SRP19: variants seen among roughly 807,000 people sequenced by gnomAD.
SRP19 encodes signal recognition particle 19.
In SRP19, 11 loss-of-function variants were observed where a neutral mutation model predicts 22.4. That is an observed-to-expected ratio of 0.49 (90% CI 0.31 to 0.81). SRP19 has a LOEUF of 0.81. Ranked by LOEUF, SRP19 falls within the 40% of genes least tolerant of loss-of-function variation. SRP19 has a pLI of 0.05. For synonymous variants in SRP19, 61 were observed against 57.6 expected, an observed-to-expected ratio of 1.06 and a Z score of -0.27; for missense variants, 168 against 175.9, an observed-to-expected ratio of 0.96 and a Z score of 0.25.
chr5:112,867,666 CATCTTT>C lies in SRP19; in HGVS notation c.*133_*138del. The C allele has an allele frequency of 7.3e-7, 1 of 1,368,528 alleles. No homozygotes were observed. The highest frequency in any genetic ancestry group is 9.5e-7 in the Non-Finnish European group (1 of 1,056,242). 84.8% of individuals were successfully genotyped at this position (1,368,528 alleles called of 1,614,324 possible). ...CTGAACTGTGAACCCTTGTGCCTCT[CATCTTT>C]ATCATCGGAGTTGACAGTGAAACAA... On this transcript the variant is annotated 3_prime_UTR_variant, in exon 5 of 5. Coordinates refer to ENST00000505459, the MANE Select transcript of SRP19 (RefSeq NM_003135.3).
At chr5:112,892,933 A>G (rs758522835) in exon 5 of SRP19, 9 of 1,601,864 alleles carry the variant, frequency 5.6e-6, no homozygotes, top group Middle Eastern at 1.6e-4. Flanking sequence ...AGGAAGAAAT[A>G]GGCACCGCAG....
At position 112,862,680 on chromosome 5, in the gene SRP19, C is replaced by T. The variant is rs1767451491; in HGVS notation, c.117+97C>T. Reference sequence around the variant, plus strand: ...TGTTAGAGCCGCAGGGGGTTCTCTTCACTGCATTTATTTAGGGCTTGAGAA... The same window carrying T: ...TGTTAGAGCCGCAGGGGGTTCTCTTTACTGCATTTATTTAGGGCTTGAGAA... On this transcript the variant is annotated intron_variant, in intron 2 of 4. Transcript: ENST00000505459. The T allele has an allele frequency of 7.7e-6, 8 of 1,039,464 alleles. No individual in the cohort carries two copies. In the East Asian group the frequency reaches 1.0e-4, roughly 13 times the overall value. 64.4% of individuals were successfully genotyped at this position (1,039,464 alleles called of 1,614,324 possible).
chr5:112,891,609 A>ATT lies in SRP19; in HGVS notation c.*2_*3insTT. 1.9e-6 allele frequency: 3 copies of ATT among 1,572,152 alleles called. No individual in the cohort carries two copies. In the South Asian group the frequency reaches 3.5e-5, roughly 18 times the overall value. On this transcript the variant is annotated 3_prime_UTR_variant, in exon 5 of 5. Coordinates refer to the SRP19 transcript ENST00000391338. ...CTTCCATATATTCCCATAGGTTAAG[A>ATT]ATGTCTGAGGGGTCAGGCGGTGCTG...
chr5:112,873,831 G>C (rs1293760924), downstream of SRP19, among the ~76,000 whole-genome samples: 4 of 151,766 alleles, frequency 2.6e-5, no homozygotes, highest in Non-Finnish European at 5.9e-5. Flanking sequence ...TGTTTCGGTT[G>C]CTGGTTTTTA....
At chr5:112,863,418 G>C (rs1459208392) in intron 2 of SRP19, among the ~76,000 whole-genome samples, 1 of 152,110 alleles carries the variant, frequency 6.6e-6, no homozygotes, top group Admixed American at 6.5e-5. Flanking sequence ...GTTGGGGGTT[G>C]TTCTGTGCAT....
At chr5:112,871,780 T>G (rs1033073539), downstream of SRP19, among the ~76,000 whole-genome samples, 23 of 152,044 alleles carry the variant, frequency 1.5e-4, no homozygotes, top group African/African-American at 5.6e-4. Flanking sequence ...TTTTAAGAGA[T>G]GAGATCTCAC....
At chr5:112,872,902 A>G (rs1258932348), downstream of SRP19, among the ~76,000 whole-genome samples, 1 of 151,724 alleles carries the variant, frequency 6.6e-6, no homozygotes, top group Non-Finnish European at 1.5e-5. Flanking sequence ...TCATCATTCT[A>G]CCCTTACATT....
intron 4 of SRP19, among the ~76,000 whole-genome samples, chr5:112,879,858 C>G (rs12152818): frequency 0.067 from 10,108 of 151,864 alleles, 400 homozygotes; most frequent in South Asian, 0.14. Flanking sequence ...GTGGGAAGAT[C>G]GCTTGAAGCC....
At chr5:112,884,781 C>A (rs893072818) in intron 4 of SRP19, among the ~76,000 whole-genome samples, 2 of 50,374 alleles carry the variant, frequency 4.0e-5, no homozygotes, top group African/African-American at 3.3e-4. Flanking sequence ...AGTCCTTGGC[C>A]CCCCCCCATC....
chr5:112,894,566 G>T (rs1768620685), downstream of SRP19: 1 of 152,198 alleles, frequency 6.6e-6, no homozygotes, highest in African/African-American at 2.4e-5. Context: ...AGAATCCTTG[G>T]TGGACATTTT....
At chr5:112,874,072 G>A (rs926596699), downstream of SRP19, among the ~76,000 whole-genome samples, 14 of 152,110 alleles carry the variant, frequency 9.2e-5, no homozygotes, top group African/African-American at 2.9e-4. Flanking sequence ...AGGCTGAGGC[G>A]GGAGAATAGC....
chr5:112,875,353 C>G (rs186243999), intron 4 of SRP19, among the ~76,000 whole-genome samples: 2 of 144,706 alleles, frequency 1.4e-5, no homozygotes, highest in Non-Finnish European at 3.0e-5. Flanking sequence ...TTCAGAAGTA[C>G]GTTTTGTTTT....
chr5:112,884,562 A>T (rs573154176), intron 4 of SRP19, among the ~76,000 whole-genome samples: 1 of 151,990 alleles, frequency 6.6e-6, no homozygotes, highest in East Asian at 1.9e-4. Context: ...ATTTTTGTAG[A>T]GAGCGGGTCT....
downstream of SRP19, among the ~76,000 whole-genome samples, chr5:112,873,768 G>C (rs1296746234): frequency 1.4e-5 from 1 of 70,542 alleles, no homozygotes; most frequent in Non-Finnish European, 2.7e-5. Flanking sequence ...TTGTTTCCAA[G>C]TTCCTTTTTT....
chr5:112,890,658 G>C (rs1393341845), intron 4 of SRP19, among the ~76,000 whole-genome samples: 1 of 150,484 alleles, frequency 6.6e-6, no homozygotes, highest in Non-Finnish European at 1.5e-5. Context: ...GATTACAGGT[G>C]TGAGCCACTG....
At position 112,862,671 on chromosome 5, in the gene SRP19, G is replaced by T. The variant is rs1767451269; in HGVS notation, c.117+88G>T. 5 of 1,150,066 alleles carry T rather than the reference G, an allele frequency of 4.3e-6. No individual in the cohort carries two copies. The East Asian group carries it at 7.5e-5, about 17-fold the overall frequency. 71.2% of individuals were successfully genotyped at this position (1,150,066 alleles called of 1,614,324 possible). A position where few individuals can be genotyped will look rare whatever the true frequency, so the allele number is the denominator to read the frequency against. ...ACGTAATCTTGTTAGAGCCGCAGGGGGTTCTCTTCACTGCATTTATTTAGG... is the reference window on the plus strand; with the variant it reads ...ACGTAATCTTGTTAGAGCCGCAGGGTGTTCTCTTCACTGCATTTATTTAGG... On this transcript the variant is annotated intron_variant, in intron 2 of 4. Coordinates refer to ENST00000505459, the MANE Select transcript of SRP19 (RefSeq NM_003135.3).
chr5:112,876,033 C>CAA (rs34238552), intron 4 of SRP19, among the ~76,000 whole-genome samples: 9,613 of 143,350 alleles, frequency 0.067, 379 homozygotes, highest in South Asian at 0.13. Flanking sequence ...GACTCCATCT[C>CAA]AAAAAAAAAA....
chr5:112,876,191 T>C (rs1767891085), intron 4 of SRP19, among the ~76,000 whole-genome samples: 1 of 152,142 alleles, frequency 6.6e-6, no homozygotes, highest in African/African-American at 2.4e-5. Flanking sequence ...ACTTTTTGAG[T>C]TGGTATGTTT....
chr5:112,865,592 G>C (rs946526751), intron 4 of SRP19, among the ~76,000 whole-genome samples: 11 of 151,306 alleles, frequency 7.3e-5, no homozygotes, highest in African/African-American at 2.4e-4. Context: ...CAGACGAACT[G>C]ACAGCTTGTT....
Sources: allele counts gnomAD v4.1 joint callset (sites outside exome capture counted in the v4.1 genomes callset), GRCh38; gene constraint gnomAD v4.1.1; transcripts MANE v1.5; gene names NCBI Gene and HGNC (gene_info 2026-07-23, HGNC 2026-07-21).